The following GNA11 variants were observed in gnomAD, a reference collection of about 807,000 sequenced individuals.
The protein encoded by GNA11 is guanine nucleotide-binding protein subunit alpha-11.
Under a neutral mutation model 38.2 loss-of-function variants are expected in GNA11, and 8 were observed. That is an observed-to-expected ratio of 0.21 (90% confidence interval 0.12 to 0.38). The LOEUF (loss-of-function observed/expected upper bound fraction) is 0.38. Ranked by LOEUF, GNA11 falls within the 10% of genes least tolerant of loss-of-function variation. The pLI is 1.00. For missense variants in GNA11, 268 were observed against 516.3 expected, an observed-to-expected ratio of 0.52 and a Z score of 4.66; for synonymous variants, 211 against 221.4, an observed-to-expected ratio of 0.95 and a Z score of 0.42.
intron 1 of GNA11, among the ~76,000 whole-genome samples, chr19:3,101,370 G>A (rs1913503166): frequency 6.6e-6 from 1 of 152,096 alleles, no homozygotes; most frequent in Admixed American, 6.5e-5. Context: ...CACGGCTGTG[G>A]TGGGGCTGGG....
chr19:3,101,487 A>AGTC (rs1913505970), intron 1 of GNA11, among the ~76,000 whole-genome samples: 1 of 152,190 alleles, frequency 6.6e-6, no homozygotes. Context: ...GCTCGGCCTT[A>AGTC]GTCCCACTGG....
intron 4 of GNA11, chr19:3,117,182 A>G (rs1394494544): frequency 6.6e-6 from 1 of 152,160 alleles, no homozygotes; most frequent in Admixed American, 6.5e-5. Context: ...GGGGCCCATG[A>G]CCCCAGGATA....
chr19:3,114,935 G>C lies in GNA11; in HGVS notation c.477-9G>C, dbSNP rs1913871275. On this transcript the variant is annotated splice_polypyrimidine_tract_variant and intron_variant, in intron 3 of 6. Transcript: ENST00000078429. The stretch of plus-strand genomic sequence containing the variant: ...GCAGCCGGCCTGAGCACCCACCGCT[G>C]TGTTGCAGCTACCTGACCGACGTTG... 6.2e-7 allele frequency: 1 copy of C among 1,600,674 alleles called. No individual in the cohort carries two copies. Among genetic ancestry groups the C allele is most frequent in the Admixed American group, 1.7e-5 (1 of 59,450 alleles).
At chr19:3,098,763 G>A (rs1913432926) in intron 1 of GNA11, among the ~76,000 whole-genome samples, 1 of 152,196 alleles carries the variant, frequency 6.6e-6, no homozygotes, top group Non-Finnish European at 1.5e-5. Flanking sequence ...GGGTGGCTGT[G>A]CCGTGTCCCA....
chr19:3,097,664 G>C (rs1913406011), intron 1 of GNA11, among the ~76,000 whole-genome samples: 1 of 152,250 alleles, frequency 6.6e-6, no homozygotes, highest in Admixed American at 6.5e-5. Context: ...CCCGTTTTCG[G>C]GGTGGGGGGG....
At position 3,108,842 on chromosome 19, in the gene GNA11, TG is replaced by T. The variant is rs1913697332; in HGVS notation, c.137-1305del. On this transcript the variant is annotated intron_variant, in intron 1 of 6. Coordinates refer to ENST00000078429, the MANE Select transcript of GNA11 (RefSeq NM_002067.5). The surrounding 1 kb of genome is among the most constrained non-coding windows in gnomAD (Gnocchi z 4.5). ...CATCATTTGAAGGCTGGACTGGAGCTGGAGGAGCCACTCACAAGTTGGCTCC... is the reference window on the plus strand; with the variant it reads ...CATCATTTGAAGGCTGGACTGGAGCTGAGGAGCCACTCACAAGTTGGCTCC... Among the ~76,000 whole-genome samples, 1 of 152,078 alleles carries T rather than the reference TG, an allele frequency of 6.6e-6. No individual in the cohort carries two copies.
chr19:3,115,769 C>G (rs1913897812), intron 4 of GNA11, among the ~76,000 whole-genome samples: 1 of 107,924 alleles, frequency 9.3e-6, no homozygotes, highest in South Asian at 3.4e-4. Context: ...GTCATAGGGA[C>G]CGAGGCTGTG....
chr19:3,113,571 G>C, intron 3 of GNA11, 87 bp downstream of exon 3: 1 of 1,042,244 alleles, frequency 9.6e-7, no homozygotes, highest in South Asian at 1.7e-5. Context: ...CGCGGCGTCT[G>C]TGGTGCCCCC....
intron 3 of GNA11, 69 bp from the exon 4 acceptor site, chr19:3,114,875 G>T (rs1229559015): frequency 6.8e-7 from 1 of 1,480,510 alleles, no homozygotes. Context: ...CCGCTGGTTT[G>T]GGTGCTGTGT....
chr19:3,106,286 A>G (rs2145311869), intron 1 of GNA11, among the ~76,000 whole-genome samples: 1 of 151,356 alleles, frequency 6.6e-6, no homozygotes, highest in South Asian at 2.1e-4. Context: ...CTGTGTGTGG[A>G]CCCCTGCGTC....
At chr19:3,104,589 T>G (rs1335489349) in intron 1 of GNA11, among the ~76,000 whole-genome samples, 1 of 152,310 alleles carries the variant, frequency 6.6e-6, no homozygotes, top group Admixed American at 6.5e-5. Flanking sequence ...TGACGGGCAC[T>G]GGAGTGCGGG....
intron 3 of GNA11, among the ~76,000 whole-genome samples, chr19:3,113,764 AC>A (rs1273327026): frequency 6.6e-6 from 1 of 152,022 alleles, no homozygotes; most frequent in Non-Finnish European, 1.5e-5. Flanking sequence ...GCTCCTGGCC[AC>A]CCTCGGTGCT....
rs771537617 is a variant in GNA11 at position 3,119,232 on chromosome 19, G to T, written c.762G>T (p.Leu254=). 1 of 1,613,978 alleles carries T rather than the reference G, an allele frequency of 6.2e-7. No homozygotes were observed. The highest frequency in any genetic ancestry group is 8.5e-7 in the Non-Finnish European group (1 of 1,179,962). The part of the protein sequence containing the change: ...NENRMEESKA[L]FRTIITYPWF... Reference sequence around the variant, plus strand: ...ACCGGATGGAGGAGAGCAAAGCCCTGTTCCGGACCATCATCACCTACCCCT... The same window carrying T: ...ACCGGATGGAGGAGAGCAAAGCCCTTTTCCGGACCATCATCACCTACCCCT... Residue 254 remains leucine, a synonymous_variant, in exon 6 of 7, where the codon CTG becomes CTT. Coordinates refer to ENST00000078429, the MANE Select transcript of GNA11 (RefSeq NM_002067.5). The surrounding 1 kb of genome is among the most constrained non-coding windows in gnomAD (Gnocchi z 4.6).
Position 3,121,224 on chromosome 19 carries a change from T to C in GNA11, c.*45T>C. 6.7e-7 allele frequency: 1 copy of C among 1,488,736 alleles called. No homozygotes were observed. The highest frequency in any genetic ancestry group is 1.4e-5 in the African/African-American group (1 of 71,922). The allele number at this position is 1,488,736 out of a possible 1,614,324, so 92.2% of individuals were successfully genotyped here. A position where few individuals can be genotyped will look rare whatever the true frequency, so the allele number is the denominator to read the frequency against. On this transcript the variant is annotated 3_prime_UTR_variant, in exon 7 of 7. Coordinates refer to ENST00000078429, the MANE Select transcript of GNA11 (RefSeq NM_002067.5). Reference sequence around the variant, plus strand: ...CGGGATGGAGACACGGGGCAGGACCTTCCTTCCACGGAGCCTGCGGCTGCC... The same window carrying C: ...CGGGATGGAGACACGGGGCAGGACCCTCCTTCCACGGAGCCTGCGGCTGCC...
intron 1 of GNA11, among the ~76,000 whole-genome samples, chr19:3,101,249 C>T (rs1297721277): frequency 1.3e-5 from 2 of 152,178 alleles, no homozygotes; most frequent in African/African-American, 2.4e-5. Context: ...GTGCTGGGCC[C>T]CGCCACCGAG....
intron 1 of GNA11, among the ~76,000 whole-genome samples, chr19:3,097,928 G>T (rs1043879132): frequency 3.9e-5 from 6 of 152,034 alleles, no homozygotes; most frequent in Non-Finnish European, 7.4e-5. Context: ...AACCACAGAT[G>T]TCTCTAGACA....
rs766454084 is a variant in GNA11, at chr19:3,098,460, AC to A, written c.136+3678del. On this transcript the variant is annotated intron_variant, in intron 1 of 6. Transcript: ENST00000078429. Reference sequence around the variant, plus strand: ...GTCTCACTGGTAAACTGTGGAGGGGACCCCCGTATAGTTCTTTGTGGCAGGT... The same window carrying A: ...GTCTCACTGGTAAACTGTGGAGGGGACCCCGTATAGTTCTTTGTGGCAGGT... 7.7e-4 allele frequency among the ~76,000 whole-genome samples: 117 copies of A among 151,662 alleles called. 1 individual carries two copies. Among genetic ancestry groups the A allele is most frequent in the Non-Finnish European group, 2.4e-4 (16 of 67,880 alleles).
rs556068137 is a variant in GNA11 at position 3,114,294 on chromosome 19, C to T, written c.477-650C>T. ...CACCCCAGGCAGACCACTCGAGGGGCGCCCCACTCAGGACTGCCCAGGGCG... is the reference window on the plus strand; with the variant it reads ...CACCCCAGGCAGACCACTCGAGGGGTGCCCCACTCAGGACTGCCCAGGGCG... On this transcript the variant is annotated intron_variant, in intron 3 of 6. Coordinates refer to ENST00000078429, the MANE Select transcript of GNA11 (RefSeq NM_002067.5). Among the ~76,000 whole-genome samples, 18 of 152,314 alleles carry T rather than the reference C, an allele frequency of 1.2e-4. No individual in the cohort carries two copies. In the South Asian group the frequency reaches 2.3e-3, roughly 19 times the overall value.
chr19:3,113,861 C>T (rs920068350), intron 3 of GNA11, among the ~76,000 whole-genome samples: 4 of 152,170 alleles, frequency 2.6e-5, no homozygotes, highest in Non-Finnish European at 4.4e-5. Flanking sequence ...TGGGCCGTCT[C>T]GCTCCTGCCT....
Sources: allele counts gnomAD v4.1 joint callset (sites outside exome capture counted in the v4.1 genomes callset), GRCh38; gene constraint gnomAD v4.1.1; non-coding constraint Gnocchi (gnomAD v3.1); transcripts MANE v1.5; gene names NCBI Gene and HGNC (gene_info 2026-07-23, HGNC 2026-07-21).